Variants in ZZEF1 observed in about 807,000 individuals in gnomAD.
The protein encoded by ZZEF1 is zinc finger ZZ-type and EF-hand domain-containing protein 1.
Under a neutral mutation model 342.8 loss-of-function variants are expected in ZZEF1, and 157 were observed. The ratio of observed to expected loss-of-function variants is 0.46; its 90% CI spans 0.40 to 0.52. ZZEF1 has a LOEUF of 0.52. ZZEF1 is among the 20% of genes least tolerant of loss of function. ZZEF1 has a pLI of 0.00. For missense variants in ZZEF1, 3,480 were observed against 3,725.6 expected, an observed-to-expected ratio of 0.93 and a Z score of 1.72; for synonymous variants, 1,505 against 1,429.1, an observed-to-expected ratio of 1.05 and a Z score of -1.20.
At chr17:4,075,561 T>A in intron 21 of ZZEF1, 132 bp from the exon 22 acceptor site, 3 of 958,870 alleles carry the variant, frequency 3.1e-6, no homozygotes, top group Admixed American at 5.6e-5. Flanking sequence ...GCAGGCAGGC[T>A]CGAAGACAAA....
intron 2 of ZZEF1, among the ~76,000 whole-genome samples, chr17:4,121,891 T>C (rs1012983870): frequency 2.0e-5 from 3 of 151,914 alleles, no homozygotes; most frequent in Non-Finnish European, 4.4e-5. Flanking sequence ...ACCTGCTAAT[T>C]TTTTTCGTAA....
At chr17:4,010,196 A>G (rs2055909315) in intron 52 of ZZEF1, among the ~76,000 whole-genome samples, 1 of 146,924 alleles carries the variant, frequency 6.8e-6, no homozygotes, top group Admixed American at 6.7e-5. Context: ...CAAAACCCCA[A>G]AAAACAAACA....
intron 36 of ZZEF1, 58 bp from the exon 37 acceptor site, chr17:4,049,917 G>T: frequency 6.3e-7 from 1 of 1,580,034 alleles, no homozygotes; most frequent in Non-Finnish European, 8.6e-7. Context: ...GTTCTTTTCA[G>T]CAAGTGCCAT....
At chr17:4,034,599 C>T (rs1323542346) in intron 39 of ZZEF1, among the ~76,000 whole-genome samples, 2 of 152,158 alleles carry the variant, frequency 1.3e-5, no homozygotes, top group African/African-American at 4.8e-5. Context: ...AAAGTTAAAG[C>T]TCCCCTAAAT....
At chr17:4,081,345 C>T in intron 18 of ZZEF1, 31 bp downstream of exon 18, 1 of 1,591,106 alleles carries the variant, frequency 6.3e-7, no homozygotes, top group Non-Finnish European at 8.6e-7. Flanking sequence ...AAGCATGAGA[C>T]AAAGAAAACA....
At chr17:4,118,907 G>A (rs1236051422) in intron 2 of ZZEF1, among the ~76,000 whole-genome samples, 1 of 152,170 alleles carries the variant, frequency 6.6e-6, no homozygotes, top group African/African-American at 2.4e-5. Flanking sequence ...CACTCACTGA[G>A]TCCAATCTGC....
chr17:4,123,520 C>CTA (rs2058524108), intron 2 of ZZEF1, among the ~76,000 whole-genome samples: 1 of 151,674 alleles, frequency 6.6e-6, no homozygotes, highest in African/African-American at 2.4e-5. Context: ...CCTCGTGGAA[C>CTA]TATAGTACAT....
At chr17:4,076,554 G>T (rs958942517) in intron 21 of ZZEF1, 83 bp downstream of exon 21, 2 of 1,522,146 alleles carry the variant, frequency 1.3e-6, no homozygotes, top group Non-Finnish European at 1.8e-6. Flanking sequence ...GTGCCTATCT[G>T]CAGTCCGTGG....
intron 28 of ZZEF1, among the ~76,000 whole-genome samples, chr17:4,065,250 AACCAG>A (rs2057370037): frequency 6.6e-6 from 1 of 152,102 alleles, no homozygotes. Flanking sequence ...ACAATAAATT[AACCAG>A]ACATGGTGGC....
chr17:4,015,176 C>T (rs534291566), intron 49 of ZZEF1, among the ~76,000 whole-genome samples: 2 of 152,280 alleles, frequency 1.3e-5, no homozygotes, highest in East Asian at 3.9e-4. Flanking sequence ...CAGAGAAGGG[C>T]AACGGGTGTC....
intron 6 of ZZEF1, among the ~76,000 whole-genome samples, chr17:4,107,698 T>C (rs1318790574): frequency 2.6e-5 from 4 of 152,046 alleles, no homozygotes; most frequent in African/African-American, 7.3e-5. Flanking sequence ...GTACAAAAAA[T>C]GTATTAAGGA....
chr17:4,072,789 T>C, intron 24 of ZZEF1, 33 bp from the exon 25 acceptor site: 3 of 1,556,604 alleles, frequency 1.9e-6, no homozygotes, highest in Non-Finnish European at 2.6e-6. Flanking sequence ...GACAGTTCTA[T>C]TTTTGCCTTA....
intron 18 of ZZEF1, among the ~76,000 whole-genome samples, chr17:4,079,978 T>C (rs1347813211): frequency 6.6e-6 from 1 of 152,170 alleles, no homozygotes; most frequent in Non-Finnish European, 1.5e-5. Context: ...TACCACAAAA[T>C]CTCCTCCAGC....
intron 15 of ZZEF1, among the ~76,000 whole-genome samples, 172 bp downstream of exon 15, chr17:4,086,288 AATCCCTTTCTGGGGGATTCCCACAGC>A (rs2057818620): frequency 3.8e-5 from 1 of 26,500 alleles, no homozygotes; most frequent in African/African-American, 1.1e-4. Context: ...CCACAGCGGC[AATCCCTTTCTGGGGGATTCCCACAGC>A]GGCAATCCCT....
At chr17:4,043,788 T>C (rs546167138) in intron 38 of ZZEF1, among the ~76,000 whole-genome samples, 5 of 152,176 alleles carry the variant, frequency 3.3e-5, no homozygotes, top group Non-Finnish European at 7.4e-5. Context: ...GATCTCTTCC[T>C]CTCTAAAGCT....
chr17:4,036,607 C>G (rs2056668911), intron 39 of ZZEF1, among the ~76,000 whole-genome samples: 1 of 151,914 alleles, frequency 6.6e-6, no homozygotes, highest in Non-Finnish European at 1.5e-5. Flanking sequence ...TGGCACGTGC[C>G]TGTAATCCCA....
chr17:4,070,304 TACAGATAAAGAAA>T (rs1032538596), intron 26 of ZZEF1, among the ~76,000 whole-genome samples: 5 of 152,356 alleles, frequency 3.3e-5, no homozygotes, highest in Admixed American at 1.3e-4. Flanking sequence ...AAACCAATTT[TACAGATAAAGAAA>T]CTGAGGTGCA....
rs568363250 is a variant in ZZEF1 at position 4,137,336 on chromosome 17, T to C, written c.354+5206A>G. Among the ~76,000 whole-genome samples, 85 of 152,214 alleles carry C rather than the reference T, an allele frequency of 5.6e-4. No homozygotes were observed. The South Asian group carries it at 6.4e-3, about 12-fold the overall frequency. On this transcript the variant is annotated intron_variant, in intron 1 of 54. Transcript: ENST00000381638. The stretch of plus-strand genomic sequence containing the variant: ...CAAAAATAATCTCCACTCGGCCAGG[T>C]GCGATGGCTCATGCCTGTAATCCCA...
At chr17:4,046,393 C>T (rs1256089118) in intron 37 of ZZEF1, among the ~76,000 whole-genome samples, 5 of 152,198 alleles carry the variant, frequency 3.3e-5, no homozygotes, top group African/African-American at 1.2e-4. Flanking sequence ...ATGTGTGGAA[C>T]TGTGGCTACA....
Sources: allele counts gnomAD v4.1 joint callset (sites outside exome capture counted in the v4.1 genomes callset), GRCh38; gene constraint gnomAD v4.1.1; transcripts MANE v1.5; gene names NCBI Gene and HGNC (gene_info 2026-07-23, HGNC 2026-07-21).